The following PIAS1 variants were observed in gnomAD, a reference collection of about 807,000 sequenced individuals.
The protein encoded by PIAS1 is protein inhibitor of activated STAT 1, also known as E3 SUMO-protein ligase PIAS1.
A neutral mutation model predicts 71.3 loss-of-function variants in PIAS1; 6 were observed. That is an observed-to-expected ratio of 0.08 (90% CI 0.05 to 0.17). PIAS1 has a LOEUF of 0.17. PIAS1 is among the 10% of genes least tolerant of loss of function. The probability of loss-of-function intolerance (pLI) is 1.00; values close to 1 mark genes in which losing one functional copy is unlikely to be tolerated. For missense variants in PIAS1, 555 were observed against 793.6 expected, an observed-to-expected ratio of 0.70 and a Z score of 3.61; for synonymous variants, 303 against 292.9, an observed-to-expected ratio of 1.03 and a Z score of -0.35.
intron 2 of PIAS1, among the ~76,000 whole-genome samples, chr15:68,095,786 C>T (rs974680776): frequency 2.0e-5 from 3 of 151,528 alleles, no homozygotes; most frequent in Admixed American, 1.3e-4. Context: ...CCACCTCGGC[C>T]TCCCAAAGTG....
chr15:68,063,300 AT>A (rs2091981098), intron 1 of PIAS1, among the ~76,000 whole-genome samples: 1 of 152,214 alleles, frequency 6.6e-6, no homozygotes, highest in African/African-American at 2.4e-5. Context: ...TTTATGGTGA[AT>A]TTTAAGACTT....
intron 2 of PIAS1, among the ~76,000 whole-genome samples, chr15:68,095,254 A>G (rs1270931535): frequency 6.6e-6 from 1 of 152,158 alleles, no homozygotes; most frequent in Non-Finnish European, 1.5e-5. Context: ...AATACTGTAT[A>G]GTGTTTGAAA....
chr15:68,139,883 A>G (rs2092758688), intron 2 of PIAS1, among the ~76,000 whole-genome samples: 1 of 152,200 alleles, frequency 6.6e-6, no homozygotes. Context: ...TCATTTCAGT[A>G]TGAAGATTCT....
chr15:68,114,029 T>TACACAC (rs58536041), intron 2 of PIAS1, among the ~76,000 whole-genome samples: 1,325 of 125,294 alleles, frequency 0.011, 5 homozygotes, highest in African/African-American at 0.015. Flanking sequence ...ATATATTTCA[T>TACACAC]ACACACACAC....
chr15:68,113,167 G>T (rs1385590757), intron 2 of PIAS1, among the ~76,000 whole-genome samples: 1 of 152,018 alleles, frequency 6.6e-6, no homozygotes, highest in Non-Finnish European at 1.5e-5. Flanking sequence ...ATTTTGTGGG[G>T]AACAAAGTAT....
At chr15:68,072,005 A>G (rs879591879) in intron 1 of PIAS1, among the ~76,000 whole-genome samples, 3 of 151,940 alleles carry the variant, frequency 2.0e-5, no homozygotes, top group Non-Finnish European at 4.4e-5. Flanking sequence ...CAAGGGTAAC[A>G]GCATGAGCAA....
At chr15:68,095,609 C>G (rs2092368040) in intron 2 of PIAS1, among the ~76,000 whole-genome samples, 1 of 150,384 alleles carries the variant, frequency 6.6e-6, no homozygotes, top group Admixed American at 6.6e-5. Context: ...CGGCTCACTG[C>G]AACTTCTGCC....
intron 1 of PIAS1, among the ~76,000 whole-genome samples, chr15:68,057,992 A>AC: frequency 6.6e-6 from 1 of 152,204 alleles, no homozygotes; most frequent in Admixed American, 6.5e-5. Context: ...TAGCTGATTA[A>AC]CCTTGGGTGT....
chr15:68,157,319 A>G (rs1294122008), intron 7 of PIAS1, among the ~76,000 whole-genome samples: 1 of 151,908 alleles, frequency 6.6e-6, no homozygotes. Flanking sequence ...TTTTTCTGTC[A>G]CTCTGTGCTG....
At position 68,187,498 on chromosome 15, in the gene PIAS1, G is replaced by C; in HGVS notation, c.1663-44G>C. ...GCTGAGGAGAAAATATATTAATTTG[G>C]AAGTATAATTAACATTTTTGTGTCT... On this transcript the variant is annotated intron_variant, in intron 13 of 13. Transcript: ENST00000249636. This position sits in a 1 kb window ranked among gnomAD's most constrained non-coding sequence, Gnocchi z 5.3. 1 of 1,531,496 alleles carries C rather than the reference G, an allele frequency of 6.5e-7. No individual in the cohort carries two copies. The highest frequency in any genetic ancestry group is 9.0e-7 in the Non-Finnish European group (1 of 1,108,488). The allele number at this position is 1,531,496 out of a possible 1,614,324, so 94.9% of individuals were successfully genotyped here.
In PIAS1 at chr15:68,146,642, G is replaced by A. The variant is rs1595764834; in HGVS notation, c.770G>A (p.Arg257Gln). The A allele has an allele frequency of 6.2e-7, 1 of 1,613,204 alleles. No homozygotes were observed. The highest frequency in any genetic ancestry group is 1.7e-5 in the Admixed American group (1 of 59,998). ...SRPINITSLV[R>Q]LSTTVPNTIV... Reference sequence around the variant, plus strand: ...CCAATTAATATCACCTCACTTGTCCGACTGTCCACAACAGTACCAAACACG... The same window carrying A: ...CCAATTAATATCACCTCACTTGTCCAACTGTCCACAACAGTACCAAACACG... Residue 257 changes from arginine to glutamine, a missense_variant, in exon 6 of 14, where the codon CGA (arginine) becomes CAA (glutamine). By Grantham distance (43) the Arg-to-Gln change is conservative (BLOSUM62 1). Coordinates refer to ENST00000249636, the MANE Select transcript of PIAS1 (RefSeq NM_016166.3).
intron 2 of PIAS1, among the ~76,000 whole-genome samples, chr15:68,126,159 T>C (rs114323327): frequency 0.011 from 1,657 of 152,328 alleles, 30 homozygotes; most frequent in African/African-American, 0.036. Context: ...GTTCTTTACT[T>C]GTAGGAACTT....
intron 7 of PIAS1, among the ~76,000 whole-genome samples, chr15:68,158,681 G>A (rs1347641658): frequency 6.6e-6 from 1 of 152,070 alleles, no homozygotes; most frequent in African/African-American, 2.4e-5. Flanking sequence ...TCAGGTCTTG[G>A]TGCCTGTTTC....
At chr15:68,163,199 ATAC>A (rs1390925041) in intron 7 of PIAS1, among the ~76,000 whole-genome samples, 2 of 152,248 alleles carry the variant, frequency 1.3e-5, no homozygotes, top group African/African-American at 4.8e-5. Flanking sequence ...TTTAACAAAG[ATAC>A]TACTTTTTAA....
rs1202670193 is a variant in PIAS1, at chr15:68,164,211, T to C, written c.935-520T>C. On this transcript the variant is annotated intron_variant, in intron 7 of 13. Coordinates refer to ENST00000249636, the MANE Select transcript of PIAS1 (RefSeq NM_016166.3). ...ATAGATTAAAATTCAAATAATTGTATAGTTAAAAAAAAGAAATAGGACTCT... is the reference window on the plus strand; with the variant it reads ...ATAGATTAAAATTCAAATAATTGTACAGTTAAAAAAAAGAAATAGGACTCT... Among the ~76,000 whole-genome samples, 4 of 152,244 alleles carry C rather than the reference T, an allele frequency of 2.6e-5. No homozygotes were observed. In the East Asian group the frequency reaches 5.8e-4, roughly 22 times the overall value.
At chr15:68,135,464 C>T (rs1192754399) in intron 2 of PIAS1, among the ~76,000 whole-genome samples, 2 of 21,990 alleles carry the variant, frequency 9.1e-5, no homozygotes, top group Non-Finnish European at 2.0e-4. Flanking sequence ...GCCCCCCACC[C>T]CCCGGACGGG....
At chr15:68,083,117 C>G (rs1019985789) in intron 1 of PIAS1, among the ~76,000 whole-genome samples, 2 of 127,348 alleles carry the variant, frequency 1.6e-5, no homozygotes, top group African/African-American at 6.1e-5. Context: ...GTGGTTGATG[C>G]AATCCTTAGT....
At chr15:68,118,457 C>T (rs1485817028) in intron 2 of PIAS1, among the ~76,000 whole-genome samples, 1 of 152,180 alleles carries the variant, frequency 6.6e-6, no homozygotes. Context: ...CTGCCTTAGC[C>T]TCCCAAGTTG....
At chr15:68,070,222 G>A (rs1162205252) in intron 1 of PIAS1, among the ~76,000 whole-genome samples, 1 of 152,192 alleles carries the variant, frequency 6.6e-6, no homozygotes, top group Non-Finnish European at 1.5e-5. Flanking sequence ...GTGGGAACTA[G>A]TTGAATGTGC....
Sources: gnomAD v4.1 joint callset for allele counts (sites outside exome capture counted in the v4.1 genomes callset) on GRCh38, gnomAD v4.1.1 for gene constraint, Gnocchi (gnomAD v3.1) non-coding constraint, MANE v1.5 for transcripts, NCBI Gene and HGNC (gene_info 2026-07-23, HGNC 2026-07-21) for gene names.